The following ADAMTSL1 variants were observed in gnomAD, a reference collection of about 807,000 sequenced individuals.
ADAMTSL1 encodes ADAMTS like 1, also known as ADAMTS-like protein 1.
ADAMTSL1 carries 126 observed loss-of-function variants against 201.8 expected under a neutral mutation model. The observed-to-expected ratio is 0.62, with a 90% CI of 0.54 to 0.72. ADAMTSL1 has a LOEUF of 0.72. Among genes scored for constraint, ADAMTSL1 ranks in the 30% least tolerant of loss-of-function variants. ADAMTSL1 has a pLI of 0.00. For synonymous variants in ADAMTSL1, 1,121 were observed against 903.4 expected, an observed-to-expected ratio of 1.24 and a Z score of -4.32; for missense variants, 2,679 against 2,277.8, an observed-to-expected ratio of 1.18 and a Z score of -3.59.
intron 15 of ADAMTSL1, among the ~76,000 whole-genome samples, chr9:18,735,355 A>G (rs1818442419): frequency 6.6e-6 from 1 of 152,196 alleles, no homozygotes; most frequent in African/African-American, 2.4e-5. Flanking sequence ...AGTATAAGAT[A>G]CTGAATTATT....
At chr9:18,043,099 C>A (rs1821499496) in intron 1 of ADAMTSL1, among the ~76,000 whole-genome samples, 2 of 152,188 alleles carry the variant, frequency 1.3e-5, no homozygotes, top group Admixed American at 6.5e-5. Context: ...GTAGTACAGA[C>A]CAGTCTTTTT....
chr9:18,340,675 A>G (rs1406028208), intron 2 of ADAMTSL1, among the ~76,000 whole-genome samples: 1 of 152,102 alleles, frequency 6.6e-6, no homozygotes, highest in Non-Finnish European at 1.5e-5. Context: ...TATTCTTGTG[A>G]TAGTGAATAA....
intron 2 of ADAMTSL1, among the ~76,000 whole-genome samples, chr9:18,173,456 C>T (rs933135492): frequency 6.6e-6 from 1 of 152,058 alleles, no homozygotes; most frequent in African/African-American, 2.4e-5. Flanking sequence ...TTTTTTTACA[C>T]TTGACCTTTG....
At chr9:18,384,537 C>G (rs1157221263) in intron 2 of ADAMTSL1, among the ~76,000 whole-genome samples, 2 of 152,138 alleles carry the variant, frequency 1.3e-5, no homozygotes, top group Non-Finnish European at 2.9e-5. Context: ...CCTAAGAAGT[C>G]TTATTTGAAG....
At chr9:17,958,799 T>A (rs2131392257) in intron 1 of ADAMTSL1, among the ~76,000 whole-genome samples, 1 of 152,256 alleles carries the variant, frequency 6.6e-6, no homozygotes, top group Non-Finnish European at 1.5e-5. Context: ...ATATAAACAA[T>A]ATGTAACATT....
At chr9:18,566,822 C>G (rs182702975) in intron 3 of ADAMTSL1, among the ~76,000 whole-genome samples, 148 of 152,172 alleles carry the variant, frequency 9.7e-4, no homozygotes, top group African/African-American at 3.4e-3. Context: ...TCCAGGAGAG[C>G]AAGGGCAGAA....
chr9:18,487,827 C>G (rs1040198849), intron 1 of ADAMTSL1, among the ~76,000 whole-genome samples: 1 of 152,208 alleles, frequency 6.6e-6, no homozygotes, highest in Non-Finnish European at 1.5e-5. Context: ...CCCCAGTGTG[C>G]TGAGCGATTT....
chr9:18,899,546 T>A (rs1829875230), intron 26 of ADAMTSL1, among the ~76,000 whole-genome samples: 1 of 152,008 alleles, frequency 6.6e-6, no homozygotes, highest in African/African-American at 2.4e-5. Flanking sequence ...GACTGCAAAC[T>A]ATACTACAGT....
At chr9:18,290,533 C>T (rs1833210074) in intron 2 of ADAMTSL1, among the ~76,000 whole-genome samples, 1 of 151,946 alleles carries the variant, frequency 6.6e-6, no homozygotes, top group Non-Finnish European at 1.5e-5. Flanking sequence ...AGGGAAGAGG[C>T]CAGTTTTAAA....
At chr9:18,008,367 A>G (rs1819915209) in intron 1 of ADAMTSL1, among the ~76,000 whole-genome samples, 1 of 152,002 alleles carries the variant, frequency 6.6e-6, no homozygotes, top group Admixed American at 6.6e-5. Flanking sequence ...ATCTCTTTAA[A>G]GAGATCCCAA....
chr9:18,566,604 G>C (rs1164055908), intron 3 of ADAMTSL1, among the ~76,000 whole-genome samples: 1 of 152,150 alleles, frequency 6.6e-6, no homozygotes. Context: ...CAGAATCTGG[G>C]CAAAGAGAAT....
chr9:18,234,126 G>A (rs1830749946), intron 2 of ADAMTSL1, among the ~76,000 whole-genome samples: 1 of 152,094 alleles, frequency 6.6e-6, no homozygotes, highest in Non-Finnish European at 1.5e-5. Context: ...TTGGATGTGG[G>A]GGGTGAGAGT....
intron 1 of ADAMTSL1, among the ~76,000 whole-genome samples, chr9:17,952,007 C>T (rs979866480): frequency 2.0e-5 from 3 of 151,930 alleles, no homozygotes; most frequent in African/African-American, 7.2e-5. Flanking sequence ...CACTGTATTG[C>T]CCAGGCTAGT....
chr9:17,924,164 C>G (rs1826424079), intron 1 of ADAMTSL1, among the ~76,000 whole-genome samples: 1 of 151,282 alleles, frequency 6.6e-6, no homozygotes, highest in Non-Finnish European at 1.5e-5. Flanking sequence ...AGGATTCCCT[C>G]TTTTTCTATT....
Position 18,662,071 on chromosome 9 carries a change from C to CAGGT in ADAMTSL1, c.1084_1085+2dup, listed in dbSNP as rs1326555380. ...AGTGCAACTTGGATCCTTGTCCAGC[C>CAGGT]AGGTCAGTCAAATTTGCTAGTTCAT... is the stretch of plus-strand genomic sequence containing the variant. On this transcript the variant is annotated frameshift_variant and splice_region_variant, in exon 9 of 29. Coordinates refer to ENST00000380548, the MANE Select transcript of ADAMTSL1 (RefSeq NM_001040272.6). LOFTEE classifies it high-confidence loss of function. 6.8e-6 allele frequency: 11 copies of CAGGT among 1,611,654 alleles called. No homozygotes were observed. The South Asian group carries it at 1.2e-4, about 18-fold the overall frequency.
chr9:18,688,659 CAAAAAAAAAAAAA>C (rs61505157), intron 13 of ADAMTSL1, among the ~76,000 whole-genome samples: 2 of 6,676 alleles, frequency 3.0e-4, no homozygotes, highest in African/African-American at 7.6e-4. Context: ...CAGAGCATTT[CAAAAAAAAAAAAA>C]AAAAAAAAAA....
chr9:18,688,675 A>ATATATATATATATATATATAT (rs1421552240), intron 13 of ADAMTSL1, among the ~76,000 whole-genome samples: 1 of 30,650 alleles, frequency 3.3e-5, no homozygotes, highest in African/African-American at 9.7e-5. Flanking sequence ...AAAAAAAAAA[A>ATATATATATATATATATATAT]AAAAAAAAAA....
chr9:18,879,084 G>C (rs6475266), intron 23 of ADAMTSL1, among the ~76,000 whole-genome samples: 1,886 of 152,240 alleles, frequency 0.012, 52 homozygotes, highest in African/African-American at 0.043. Context: ...GCTTAGTTCC[G>C]TTTCACTATA....
intron 2 of ADAMTSL1, among the ~76,000 whole-genome samples, chr9:18,347,886 A>C (rs532279122): frequency 1.3e-5 from 2 of 152,286 alleles, no homozygotes; most frequent in South Asian, 4.1e-4. Flanking sequence ...GCACATTCCC[A>C]AAAGTTCAGT....
Sources: allele counts gnomAD v4.1 joint callset (sites outside exome capture counted in the v4.1 genomes callset), GRCh38; gene constraint gnomAD v4.1.1; transcripts MANE v1.5; gene names NCBI Gene and HGNC (gene_info 2026-07-23, HGNC 2026-07-21).